The following CASP10 variants were observed in gnomAD, a reference collection of about 807,000 sequenced individuals.
CASP10 encodes caspase 10.
Under a neutral mutation model 48.5 loss-of-function variants are expected in CASP10, and 41 were observed. That is an observed-to-expected ratio of 0.85 (90% CI 0.66 to 1.10). The LOEUF is 1.10. CASP10 is among the 50% of genes least tolerant of loss of function. The pLI is 0.00. For missense variants in CASP10, 614 were observed against 614.5 expected, an observed-to-expected ratio of 1.00 and a Z score of 0.01; for synonymous variants, 232 against 238.4, an observed-to-expected ratio of 0.97 and a Z score of 0.25.
chr2:201,206,135 A>C, intron 7 of CASP10, 162 bp downstream of exon 7: 1 of 570,080 alleles, frequency 1.8e-6, no homozygotes, highest in South Asian at 2.0e-5. Flanking sequence ...CTCTCTCTGT[A>C]ATTATCTCTG....
Position 201,209,510 on chromosome 2 carries a change from G to A in CASP10, c.1363G>A (p.Gly455Ser). The A allele has an allele frequency of 6.2e-7, 1 of 1,613,568 alleles. No homozygotes were observed. Among genetic ancestry groups the A allele is most frequent in the Non-Finnish European group, 8.5e-7 (1 of 1,179,836 alleles). ...TGTATCCTTTCGGCATGTGGAGGAA[G>A]GCAGCTGGTATATTCAGTCTCTGTG... The part of the protein sequence containing the change: ...GYVSFRHVEE[G>S]SWYIQSLCNH... The change falls in exon 9 of 10, where the codon GGC becomes AGC. Residue 455 changes from glycine to serine, a missense_variant. Coordinates refer to ENST00000286186, the MANE Select transcript of CASP10 (RefSeq NM_032977.4).
At chr2:201,215,603 A>G (rs1041736997) in intron 9 of CASP10, among the ~76,000 whole-genome samples, 1 of 151,976 alleles carries the variant, frequency 6.6e-6, no homozygotes, top group Non-Finnish European at 1.5e-5. Context: ...ATTCTGTTCT[A>G]TTGATCTATG....
rs761762303 is a variant in CASP10 at position 201,206,012 on chromosome 2, AT to A, written c.813+47del. ...CTTTTATTCCTTTTTTAATAAAAAA[AT>A]TTTTTTTCCAAATTTAATCAAAAGG... On this transcript the variant is annotated intron_variant, in intron 7 of 9. Transcript: ENST00000286186. 1.4e-5 allele frequency: 18 copies of A among 1,290,772 alleles called. 1 individual carries two copies. The Admixed American group carries it at 1.5e-4, about 11-fold the overall frequency. 80.0% of individuals were successfully genotyped at this position (1,290,772 alleles called of 1,614,324 possible). A position where few individuals can be genotyped will look rare whatever the true frequency, so the allele number is the denominator to read the frequency against.
Position 201,193,798 on chromosome 2 carries a change from G to C in CASP10, c.577+679G>C, listed in dbSNP as rs554503353. Among the ~76,000 whole-genome samples the C allele has an allele frequency of 4.6e-5, 7 of 152,294 alleles. No individual in the cohort carries two copies. In the East Asian group the frequency reaches 1.3e-3, roughly 29 times the overall value. On this transcript the variant is annotated intron_variant, in intron 4 of 9. Transcript: ENST00000286186. ...ATGAAAAAGAAGGCAGGATAGCATG[G>C]GGTAAGAGTGGACTCTATAGAGTCG...
At chr2:201,205,547 T>G (rs1415766980) in intron 6 of CASP10, among the ~76,000 whole-genome samples, 4 of 152,048 alleles carry the variant, frequency 2.6e-5, no homozygotes, top group Non-Finnish European at 5.9e-5. Context: ...TTTTTCCTTC[T>G]CTAGGGAAGA....
At chr2:201,195,802 A>C in intron 4 of CASP10, 40 bp from the exon 5 acceptor site, 1 of 1,476,006 alleles carries the variant, frequency 6.8e-7, no homozygotes, top group Middle Eastern at 1.7e-4. Flanking sequence ...TGCTAGTCAG[A>C]AGGTGATTTT....
chr2:201,216,607 TA>T (rs1246624113), intron 9 of CASP10, among the ~76,000 whole-genome samples: 1 of 151,870 alleles, frequency 6.6e-6, no homozygotes, highest in Non-Finnish European at 1.5e-5. Flanking sequence ...GGGATGAGAG[TA>T]GTCATACTAA....
In CASP10 at chr2:201,203,604, G is replaced by T. The variant is rs561985756; in HGVS notation, c.685-126G>T. 9 of 879,890 alleles carry T rather than the reference G, an allele frequency of 1.0e-5. No homozygotes were observed. In the Middle Eastern group the frequency reaches 6.6e-4, roughly 64 times the overall value. The allele number at this position is 879,890 out of a possible 1,614,324, so 54.5% of individuals were successfully genotyped here. On this transcript the variant is annotated intron_variant, in intron 5 of 9. Transcript: ENST00000286186. Reference sequence around the variant, plus strand: ...TTACAGGCATGAGCCACCGCAACCGGCCCAATGACCTTTTCTGTGGCTGTG... The same window carrying T: ...TTACAGGCATGAGCCACCGCAACCGTCCCAATGACCTTTTCTGTGGCTGTG...
Position 201,219,705 on chromosome 2 carries a change from C to CTT in CASP10, c.*1981_*1982dup, listed in dbSNP as rs111572089. ...TTTTGAGCATTTTTACGTACTTGAG[C>CTT]TTTTTTTTTTTTTTTTTTCAATTTC... On this transcript the variant is annotated 3_prime_UTR_variant, in exon 10 of 10. Coordinates refer to ENST00000286186, the MANE Select transcript of CASP10 (RefSeq NM_032977.4). 2,419 of 860,028 alleles carry CTT rather than the reference C, an allele frequency of 2.8e-3. 48 individuals are homozygous for CTT. In the African/African-American group the frequency reaches 0.042, roughly 15 times the overall value. The allele number at this position is 860,028 out of a possible 1,614,324, so 53.3% of individuals were successfully genotyped here.
Position 201,219,091 on chromosome 2 carries a change from A to T in CASP10, c.*1350A>T, listed in dbSNP as rs1945656118. Reference sequence around the variant, plus strand: ...TCGAGACCAGCCTGGCCAATACGGCAAAACCTCATCATTACTAAAAACACA... The same window carrying T: ...TCGAGACCAGCCTGGCCAATACGGCTAAACCTCATCATTACTAAAAACACA... On this transcript the variant is annotated 3_prime_UTR_variant, in exon 10 of 10. Coordinates refer to ENST00000286186, the MANE Select transcript of CASP10 (RefSeq NM_032977.4). 1.7e-6 allele frequency: 1 copy of T among 604,908 alleles called. No individual in the cohort carries two copies. The highest frequency in any genetic ancestry group is 6.3e-5 in the Admixed American group (1 of 15,826). 37.5% of individuals were successfully genotyped at this position (604,908 alleles called of 1,614,324 possible). A position where few individuals can be genotyped will look rare whatever the true frequency, so the allele number is the denominator to read the frequency against.
intron 5 of CASP10, among the ~76,000 whole-genome samples, chr2:201,203,312 T>TC (rs1576111882): frequency 6.6e-6 from 1 of 150,974 alleles, no homozygotes; most frequent in East Asian, 1.9e-4. Context: ...AACTTTCTTT[T>TC]TTTTTTTTTT....
Position 201,218,049 on chromosome 2 carries a change from G to C in CASP10, c.*308G>C. ...CCGCCTCAGCTTCCCAAGTAGCTGG[G>C]ACCACAGGTGTGTACCACCGTGCCC... On this transcript the variant is annotated 3_prime_UTR_variant, in exon 10 of 10. Transcript: ENST00000286186. 1.3e-6 allele frequency: 1 copy of C among 746,342 alleles called. No homozygotes were observed. The highest frequency in any genetic ancestry group is 1.9e-6 in the Non-Finnish European group (1 of 534,086). 46.2% of individuals were successfully genotyped at this position (746,342 alleles called of 1,614,324 possible).
downstream of CASP10, among the ~76,000 whole-genome samples, chr2:201,226,305 A>C (rs1945787016): frequency 6.6e-6 from 1 of 152,226 alleles, no homozygotes; most frequent in African/African-American, 2.4e-5. Flanking sequence ...AAACTCTGTC[A>C]GTACCAAGTG....
chr2:201,220,742 A>G lies in CASP10; in HGVS notation c.*3001A>G. ...TTTCCTCTTTCTTTAATTCTTACAC[A>G]TGTGTCAGGATGATCTCCCAAAACC... On this transcript the variant is annotated 3_prime_UTR_variant, in exon 10 of 10. Coordinates refer to ENST00000286186, the MANE Select transcript of CASP10 (RefSeq NM_032977.4). 5.1e-6 allele frequency: 5 copies of G among 985,288 alleles called. No individual in the cohort carries two copies. Among genetic ancestry groups the G allele is most frequent in the Non-Finnish European group, 6.0e-6 (5 of 829,796 alleles). 61.0% of individuals were successfully genotyped at this position (985,288 alleles called of 1,614,324 possible). A position where few individuals can be genotyped will look rare whatever the true frequency, so the allele number is the denominator to read the frequency against.
At chr2:201,195,037 A>G (rs1469303335) in intron 4 of CASP10, among the ~76,000 whole-genome samples, 3 of 151,756 alleles carry the variant, frequency 2.0e-5, no homozygotes, top group Non-Finnish European at 4.4e-5. Flanking sequence ...TCGGCCTCCC[A>G]AAGTGCTGGG....
rs971449971 is a variant in CASP10, at chr2:201,208,388, G to A, written c.922+205G>A. Reference sequence around the variant, plus strand: ...TTGACTATTCACAATTCTGAATAGAGGAGAGCATGTACTGGGGGAGAGCCT... The same window carrying A: ...TTGACTATTCACAATTCTGAATAGAAGAGAGCATGTACTGGGGGAGAGCCT... On this transcript the variant is annotated intron_variant, in intron 8 of 9. Transcript: ENST00000286186. 35 of 984,980 alleles carry A rather than the reference G, an allele frequency of 3.6e-5. No homozygotes were observed. The African/African-American group carries it at 4.7e-4, about 13-fold the overall frequency. 61.0% of individuals were successfully genotyped at this position (984,980 alleles called of 1,614,324 possible). A position where few individuals can be genotyped will look rare whatever the true frequency, so the allele number is the denominator to read the frequency against.
At chr2:201,228,103 A>C (rs936919904) in intron 9 of CASP10, among the ~76,000 whole-genome samples, 2 of 152,196 alleles carry the variant, frequency 1.3e-5, no homozygotes, top group African/African-American at 4.8e-5. Context: ...TGGAAGGCCA[A>C]GGCAGGCATA....
At chr2:201,228,155 G>A (rs567328679) in intron 9 of CASP10, among the ~76,000 whole-genome samples, 1 of 152,232 alleles carries the variant, frequency 6.6e-6, no homozygotes, top group Non-Finnish European at 1.5e-5. Flanking sequence ...GGCCAACATG[G>A]TGAAACCCTG....
At chr2:201,206,252 G>T (rs1316642928) in intron 7 of CASP10, 1 of 281,574 alleles carries the variant, frequency 3.6e-6, no homozygotes. Context: ...TATTTCTGGA[G>T]AGGGGTAGTT....
Sources: allele counts gnomAD v4.1 joint callset (sites outside exome capture counted in the v4.1 genomes callset), GRCh38; gene constraint gnomAD v4.1.1; transcripts MANE v1.5; gene names NCBI Gene and HGNC (gene_info 2026-07-23, HGNC 2026-07-21).